NREP: variants seen among roughly 807,000 people sequenced by gnomAD.
The protein encoded by NREP is neuronal regeneration related protein.
In NREP, 5 loss-of-function variants were observed where a neutral mutation model predicts 8.6. That is an observed-to-expected ratio of 0.58 (90% CI 0.30 to 1.22). The LOEUF is 1.22. Among genes scored for constraint, NREP ranks in the 50% most tolerant of loss-of-function variants. NREP has a pLI of 0.07. For missense variants in NREP, 86 were observed against 82.5 expected (o/e 1.04, Z -0.17); for synonymous variants, 27 against 28.0 (o/e 0.96, Z 0.11).
intron 2 of NREP, among the ~76,000 whole-genome samples, chr5:111,750,647 T>C (rs1236580575): frequency 1.3e-5 from 2 of 152,218 alleles, no homozygotes; most frequent in East Asian, 3.9e-4. Flanking sequence ...TAGATTATAT[T>C]GTTTTACATT....
chr5:111,940,273 A>T (rs187395994), intron 2 of NREP: 1 of 152,234 alleles, frequency 6.6e-6, no homozygotes, highest in Admixed American at 6.5e-5. Flanking sequence ...AACAAAATAT[A>T]GTTTAAGGAT....
At chr5:111,924,254 C>T (rs1051632628) in intron 2 of NREP, among the ~76,000 whole-genome samples, 4 of 152,098 alleles carry the variant, frequency 2.6e-5, no homozygotes, top group Non-Finnish European at 5.9e-5. Flanking sequence ...TCAGTTGGAG[C>T]ACAGAGAAGA....
chr5:111,904,529 T>C (rs1581206146), intron 2 of NREP, among the ~76,000 whole-genome samples: 1 of 152,146 alleles, frequency 6.6e-6, no homozygotes. Context: ...TTTCAGGCTG[T>C]TTTCTCTCAC....
rs903548736 is a variant in NREP at position 111,811,108 on chromosome 5, G to A, written c.136-75601C>T. Among the ~76,000 whole-genome samples, 17 of 152,034 alleles carry A rather than the reference G, an allele frequency of 1.1e-4. 1 individual carries two copies. Among genetic ancestry groups the A allele is most frequent in the African/African-American group, 3.6e-4 (15 of 41,404 alleles). ...ACTTAGCTTGTGCTCCCAAACCTTCGCTACCCTTTCCTTCCTGAACTTAAC... is the reference window on the plus strand; with the variant it reads ...ACTTAGCTTGTGCTCCCAAACCTTCACTACCCTTTCCTTCCTGAACTTAAC... On this transcript the variant is annotated intron_variant, in intron 2 of 3. Coordinates refer to the NREP transcript ENST00000395634.
chr5:111,922,222 C>T (rs1167144488), intron 2 of NREP, among the ~76,000 whole-genome samples: 1 of 152,020 alleles, frequency 6.6e-6, no homozygotes, highest in Admixed American at 6.6e-5. Context: ...TTGATAATGT[C>T]ATTTTTTTCT....
At chr5:111,822,013 T>C (rs2112925238) in intron 2 of NREP, among the ~76,000 whole-genome samples, 1 of 152,292 alleles carries the variant, frequency 6.6e-6, no homozygotes, top group Non-Finnish European at 1.5e-5. Context: ...TTAAGTAAAC[T>C]TTTTATTATT....
chr5:111,763,221 G>A (rs1162363394), intron 2 of NREP, among the ~76,000 whole-genome samples: 3 of 152,126 alleles, frequency 2.0e-5, no homozygotes, highest in South Asian at 2.1e-4. Context: ...GTCTCAGGGA[G>A]GAACACAAAA....
At chr5:111,918,716 T>C (rs955694970) in intron 2 of NREP, among the ~76,000 whole-genome samples, 4 of 152,130 alleles carry the variant, frequency 2.6e-5, no homozygotes, top group East Asian at 1.9e-4. Flanking sequence ...TAACTCAAGA[T>C]GGATTAAAGA....
chr5:111,855,064 C>A (rs554004762), intron 2 of NREP, among the ~76,000 whole-genome samples: 2 of 152,092 alleles, frequency 1.3e-5, no homozygotes, highest in South Asian at 4.2e-4. Flanking sequence ...TGAGTGGGTA[C>A]ATTTTTCTAA....
rs983384354 is a variant in NREP, at chr5:111,770,584, T to G, written c.136-35077A>C. Among the ~76,000 whole-genome samples the G allele has an allele frequency of 1.0e-4, 13 of 127,412 alleles. No homozygotes were observed. The East Asian group carries it at 2.5e-3, about 25-fold the overall frequency. The allele number at this position is 127,412 out of a possible 152,430, so 83.6% of individuals were successfully genotyped here. A position where few individuals can be genotyped will look rare whatever the true frequency, so the allele number is the denominator to read the frequency against. ...TTTTTTTTTTTTTTTTTTTTTTTTT[T>G]GAGACAGAGTCTCACTCTGTTACCC... On this transcript the variant is annotated intron_variant, in intron 2 of 3. Coordinates refer to the NREP transcript ENST00000395634.
chr5:111,733,015 C>T (rs529876095), intron 3 of NREP: 1 of 152,082 alleles, frequency 6.6e-6, no homozygotes, highest in Non-Finnish European at 1.5e-5. Context: ...GAAACATACA[C>T]AACAAAACAA....
At chr5:111,945,407 T>C (rs1755949022) in intron 2 of NREP, among the ~76,000 whole-genome samples, 1 of 151,076 alleles carries the variant, frequency 6.6e-6, no homozygotes, top group African/African-American at 2.4e-5. Flanking sequence ...ACATTAGGTA[T>C]ATCTCCTAAT....
intron 2 of NREP, among the ~76,000 whole-genome samples, chr5:111,886,248 A>G (rs952387385): frequency 6.6e-6 from 1 of 152,250 alleles, no homozygotes; most frequent in Non-Finnish European, 1.5e-5. Context: ...CCATCAAAGA[A>G]GTGCAAATCA....
At chr5:111,946,870 C>G (rs1223141244) in intron 2 of NREP, among the ~76,000 whole-genome samples, 2 of 152,034 alleles carry the variant, frequency 1.3e-5, no homozygotes, top group Non-Finnish European at 2.9e-5. Context: ...ATCTCTGCTT[C>G]TTCCAGTTTT....
chr5:111,934,442 G>T (rs1205611246), intron 2 of NREP, among the ~76,000 whole-genome samples: 2 of 152,004 alleles, frequency 1.3e-5, no homozygotes, highest in Non-Finnish European at 2.9e-5. Flanking sequence ...GAGGAGGAAA[G>T]AGAAAAGAAC....
At chr5:111,785,991 C>T (rs910521238) in intron 2 of NREP, among the ~76,000 whole-genome samples, 4 of 152,140 alleles carry the variant, frequency 2.6e-5, no homozygotes, top group African/African-American at 7.2e-5. Context: ...CTTTTTATCA[C>T]GTAGTGTGGA....
At chr5:111,890,477 ACT>A (rs1353534758) in intron 2 of NREP, among the ~76,000 whole-genome samples, 2 of 151,640 alleles carry the variant, frequency 1.3e-5, no homozygotes, top group Non-Finnish European at 2.9e-5. Context: ...TCTGTTGGAG[ACT>A]CTGTGTGTGG....
At chr5:111,823,047 C>T (rs1179634316) in intron 2 of NREP, among the ~76,000 whole-genome samples, 1 of 152,214 alleles carries the variant, frequency 6.6e-6, no homozygotes, top group East Asian at 1.9e-4. Flanking sequence ...TGGGCATCTG[C>T]ATCTGGCAAG....
chr5:111,842,498 C>T (rs551044483), intron 2 of NREP, among the ~76,000 whole-genome samples: 12 of 152,108 alleles, frequency 7.9e-5, no homozygotes, highest in East Asian at 7.7e-4. Context: ...TCTTCTGCCC[C>T]GACATTTTAT....
Sources: gnomAD v4.1 joint callset for allele counts (sites outside exome capture counted in the v4.1 genomes callset) on GRCh38, gnomAD v4.1.1 for gene constraint, MANE v1.5 for transcripts, NCBI Gene and HGNC (gene_info 2026-07-23, HGNC 2026-07-21) for gene names.